Variants in KSR2 observed in about 807,000 individuals in gnomAD.
The protein encoded by KSR2 is kinase suppressor of ras 2.
A neutral mutation model predicts 107.8 loss-of-function variants in KSR2; 25 were observed. That is an observed-to-expected ratio of 0.23 (90% CI 0.17 to 0.32). The LOEUF (loss-of-function observed/expected upper bound fraction) is 0.32. KSR2 is among the 10% of genes least tolerant of loss of function. KSR2 has a pLI of 1.00. For synonymous variants in KSR2, 480 were observed against 507.0 expected (o/e 0.95, Z 0.71); for missense variants, 887 against 1,268.9 (o/e 0.70, Z 4.57).
intron 4 of KSR2, among the ~76,000 whole-genome samples, chr12:117,710,347 A>G (rs1030482548): frequency 6.6e-6 from 1 of 152,220 alleles, no homozygotes; most frequent in Non-Finnish European, 1.5e-5. Flanking sequence ...AAAGTTTCAG[A>G]GCATTTGGGA....
chr12:117,894,670 G>A (rs1366887854), intron 1 of KSR2, among the ~76,000 whole-genome samples: 1 of 150,702 alleles, frequency 6.6e-6, no homozygotes, highest in Non-Finnish European at 1.5e-5. Context: ...CTGGTTGTTT[G>A]AAAGTGCGTA....
chr12:117,589,508 TGACAGAC>T (rs1250214736), intron 5 of KSR2, among the ~76,000 whole-genome samples: 66 of 152,292 alleles, frequency 4.3e-4, no homozygotes, highest in Admixed American at 7.2e-4. Context: ...CCCAGGGACA[TGACAGAC>T]TGAGTGAGAA....
At chr12:117,663,378 T>C (rs58395357) in intron 5 of KSR2, among the ~76,000 whole-genome samples, 7,694 of 152,256 alleles carry the variant, frequency 0.051, 328 homozygotes, top group East Asian at 0.24. Context: ...TAGAGGATGA[T>C]GGAGTTTAAA....
At chr12:117,716,080 T>C (rs1164283641) in intron 4 of KSR2, among the ~76,000 whole-genome samples, 3 of 152,220 alleles carry the variant, frequency 2.0e-5, no homozygotes, top group Non-Finnish European at 2.9e-5. Flanking sequence ...CTCAGCACCC[T>C]GTCTGCTTCT....
chr12:117,828,130 C>G (rs557076885), intron 3 of KSR2, among the ~76,000 whole-genome samples: 1 of 152,208 alleles, frequency 6.6e-6, no homozygotes, highest in Admixed American at 6.5e-5. Context: ...TCACCAAACT[C>G]CATGAGGATG....
intron 1 of KSR2, among the ~76,000 whole-genome samples, chr12:117,863,106 CG>C (rs1211433101): frequency 6.6e-6 from 1 of 152,130 alleles, no homozygotes; most frequent in Non-Finnish European, 1.5e-5. Flanking sequence ...ACAGTCCATC[CG>C]GCTGATGTGA....
intron 5 of KSR2, among the ~76,000 whole-genome samples, chr12:117,614,648 C>T (rs926881910): frequency 2.6e-5 from 4 of 152,142 alleles, no homozygotes; most frequent in Non-Finnish European, 4.4e-5. Flanking sequence ...AGAAAGGTCC[C>T]TTAATAGTTT....
intron 4 of KSR2, among the ~76,000 whole-genome samples, chr12:117,683,316 T>C (rs1225157839): frequency 6.6e-6 from 1 of 151,728 alleles, no homozygotes; most frequent in African/African-American, 2.4e-5. Context: ...AATAACAGAG[T>C]CAACTGTTAT....
chr12:117,772,478 GCACA>G lies in KSR2; in HGVS notation c.473-10958_473-10955del, dbSNP rs377347596. On this transcript the variant is annotated intron_variant, in intron 3 of 19. Transcript: ENST00000339824. Reference sequence around the variant, plus strand: ...ACATACACACCATTCCCCCAAAGACGCACACACACTCACACATACACATCATTCC... The same window carrying G: ...ACATACACACCATTCCCCCAAAGACGCACACTCACACATACACATCATTCC... 6.0e-4 allele frequency among the ~76,000 whole-genome samples: 62 copies of G among 103,944 alleles called. 1 individual carries two copies. The highest frequency in any genetic ancestry group is 2.3e-3 in the African/African-American group (61 of 26,526). 68.2% of individuals were successfully genotyped at this position (103,944 alleles called of 152,430 possible).
At chr12:117,942,576 C>T (rs1896042609) in intron 1 of KSR2, among the ~76,000 whole-genome samples, 4 of 150,926 alleles carry the variant, frequency 2.7e-5, no homozygotes, top group Admixed American at 6.6e-5. Context: ...GCTGCCTCAA[C>T]CTCCCAGGCT....
intron 4 of KSR2, among the ~76,000 whole-genome samples, chr12:117,759,305 T>A (rs887328742): frequency 2.0e-4 from 31 of 152,198 alleles, no homozygotes; most frequent in Non-Finnish European, 3.7e-4. Flanking sequence ...AACACTGCCA[T>A]GCCCATTTGT....
At chr12:117,772,573 TACAC>T (rs1481251136) in intron 3 of KSR2, among the ~76,000 whole-genome samples, 2 of 55,738 alleles carry the variant, frequency 3.6e-5, no homozygotes, top group South Asian at 6.9e-4. Flanking sequence ...CACACACTCA[TACAC>T]ACACACCATT....
At chr12:117,557,315 G>A (rs1877773045) in intron 8 of KSR2, among the ~76,000 whole-genome samples, 1 of 152,174 alleles carries the variant, frequency 6.6e-6, no homozygotes, top group Non-Finnish European at 1.5e-5. Context: ...GTTTTCCAGT[G>A]TCCCACAGCC....
At chr12:117,560,987 T>C (rs1321556268) in intron 7 of KSR2, among the ~76,000 whole-genome samples, 1 of 152,206 alleles carries the variant, frequency 6.6e-6, no homozygotes, top group Non-Finnish European at 1.5e-5. Context: ...CTTTATAAAT[T>C]ACCCAGCCTC....
intron 5 of KSR2, among the ~76,000 whole-genome samples, chr12:117,663,695 C>T (rs1308966150): frequency 2.0e-5 from 3 of 152,140 alleles, no homozygotes; most frequent in Non-Finnish European, 4.4e-5. Flanking sequence ...GCTTTAAACC[C>T]GAAGTCACTT....
chr12:117,510,936 G>C lies in KSR2; in HGVS notation c.2219+13916C>G, dbSNP rs560492212. ...AGCAGCAGATGTCAACACTAATCTA[G>C]CACTTGATGTGTACCAGGCACTATT... On this transcript the variant is annotated intron_variant, in intron 14 of 19. Coordinates refer to ENST00000339824, the MANE Select transcript of KSR2 (RefSeq NM_173598.6). Among the ~76,000 whole-genome samples the C allele has an allele frequency of 4.0e-5, 6 of 150,234 alleles. No homozygotes were observed. The South Asian group carries it at 1.1e-3, about 26-fold the overall frequency.
chr12:117,731,837 C>T (rs1380568361), intron 4 of KSR2, among the ~76,000 whole-genome samples: 1 of 147,644 alleles, frequency 6.8e-6, no homozygotes, highest in East Asian at 2.0e-4. Flanking sequence ...TTGAAGGCAG[C>T]ATGCTCCTTA....
Position 117,694,845 on chromosome 12 carries a change from CTTTTTTTTTTTTTTT to C in KSR2, c.987-27202_987-27188del, listed in dbSNP as rs34228762. Reference sequence around the variant, plus strand: ...ACAAAAGGACAAATGTTGTATGATTCTTTTTTTTTTTTTTTTTTTTTTGAGATGGAGCCTCACTCT... The same window carrying C: ...ACAAAAGGACAAATGTTGTATGATTCTTTTTTTGAGATGGAGCCTCACTCT... On this transcript the variant is annotated intron_variant, in intron 4 of 19. Transcript: ENST00000339824. 3.0e-5 allele frequency among the ~76,000 whole-genome samples: 3 copies of C among 99,106 alleles called. No homozygotes were observed. In the South Asian group the frequency reaches 1.1e-3, roughly 36 times the overall value. 65.0% of individuals were successfully genotyped at this position (99,106 alleles called of 152,430 possible).
At chr12:117,922,383 C>A (rs1212612489) in intron 1 of KSR2, among the ~76,000 whole-genome samples, 1 of 152,172 alleles carries the variant, frequency 6.6e-6, no homozygotes, top group Non-Finnish European at 1.5e-5. Flanking sequence ...AAGTGCCTGT[C>A]AATCAACTTT....
Sources: allele counts gnomAD v4.1 joint callset (sites outside exome capture counted in the v4.1 genomes callset), GRCh38; gene constraint gnomAD v4.1.1; transcripts MANE v1.5; gene names NCBI Gene and HGNC (gene_info 2026-07-23, HGNC 2026-07-21).